Variants in ALPK2 observed in about 807,000 individuals in gnomAD.
ALPK2 encodes alpha kinase 2, also known as alpha-protein kinase 2.
A neutral mutation model predicts 163.1 loss-of-function variants in ALPK2; 127 were observed. The observed-to-expected ratio is 0.78, with a 90% CI of 0.67 to 0.90. The LOEUF (loss-of-function observed/expected upper bound fraction) is 0.90. Among genes scored for constraint, ALPK2 ranks in the 40% least tolerant of loss-of-function variants. ALPK2 has a pLI of 0.00. For missense variants in ALPK2, 2,360 were observed against 2,589.6 expected (o/e 0.91, Z 1.92); for synonymous variants, 953 against 959.1 (o/e 0.99, Z 0.12).
At chr18:58,582,939 G>A (rs1166089984) in intron 3 of ALPK2, among the ~76,000 whole-genome samples, 2 of 152,150 alleles carry the variant, frequency 1.3e-5, no homozygotes, top group Non-Finnish European at 2.9e-5. Context: ...TGGAAGCCAA[G>A]GTTCTTGTAT....
intron 10 of ALPK2, among the ~76,000 whole-genome samples, chr18:58,512,892 T>C (rs2051499527): frequency 7.8e-6 from 1 of 128,486 alleles, no homozygotes; most frequent in Non-Finnish European, 1.7e-5. Context: ...TGGGGGTGTG[T>C]AATGCGTATG....
At position 58,538,449 on chromosome 18, in the gene ALPK2, A is replaced by G. The variant is rs769910281; in HGVS notation, c.1963-225T>C. 3.6e-4 allele frequency: 173 copies of G among 486,924 alleles called. 1 individual carries two copies. Among genetic ancestry groups the G allele is most frequent in the Middle Eastern group, 1.6e-3 (3 of 1,892 alleles). The allele number at this position is 486,924 out of a possible 1,614,324, so 30.2% of individuals were successfully genotyped here. On this transcript the variant is annotated intron_variant, in intron 4 of 12. Coordinates refer to ENST00000361673, the MANE Select transcript of ALPK2 (RefSeq NM_052947.4). ...CAGGGGGCCCTTTGTCAAATTCATC[A>G]TTATAAGCAAAAAGCCTCCTGACAA...
At chr18:58,485,387 C>T (rs781398424) in intron 12 of ALPK2, among the ~76,000 whole-genome samples, 22 of 152,038 alleles carry the variant, frequency 1.4e-4, no homozygotes, top group African/African-American at 5.1e-4. Context: ...CTCTTAAGGG[C>T]GTGAAAGGTT....
chr18:58,494,606 A>C (rs1018084441), intron 12 of ALPK2, among the ~76,000 whole-genome samples: 1 of 151,998 alleles, frequency 6.6e-6, no homozygotes, highest in Non-Finnish European at 1.5e-5. Flanking sequence ...ACTGCTTCTT[A>C]TGGTGGTGCT....
At chr18:58,512,917 GTGA>G (rs1457548085) in intron 10 of ALPK2, among the ~76,000 whole-genome samples, 2 of 94,386 alleles carry the variant, frequency 2.1e-5, no homozygotes, top group Non-Finnish European at 5.4e-5. Flanking sequence ...TGGTGTATGT[GTGA>G]TGTGTGGGGT....
At chr18:58,607,563 T>G (rs1366107580) in intron 2 of ALPK2, 124 bp from the exon 3 acceptor site, 1 of 606,234 alleles carries the variant, frequency 1.6e-6, no homozygotes, top group African/African-American at 1.9e-5. Context: ...TGGATTACGT[T>G]AGGTGAGGAA....
At chr18:58,605,830 T>C (rs544326513) in intron 3 of ALPK2, among the ~76,000 whole-genome samples, 1 of 152,366 alleles carries the variant, frequency 6.6e-6, no homozygotes, top group Admixed American at 6.5e-5. Flanking sequence ...AGAATGGCTT[T>C]CTTTGTTCAC....
In ALPK2 at chr18:58,602,782, C is replaced by T. The variant is rs117820891; in HGVS notation, c.227+4540G>A. ...GGAGGTCGGCATAAGATACAGGTCACGAAGACCCTGCTGATAGATCAGGAT... is the reference window on the plus strand; with the variant it reads ...GGAGGTCGGCATAAGATACAGGTCATGAAGACCCTGCTGATAGATCAGGAT... On this transcript the variant is annotated intron_variant, in intron 3 of 12. Coordinates refer to ENST00000361673, the MANE Select transcript of ALPK2 (RefSeq NM_052947.4). Among the ~76,000 whole-genome samples the T allele has an allele frequency of 3.9e-4, 59 of 152,230 alleles. 1 individual carries two copies. The East Asian group carries it at 9.7e-3, about 25-fold the overall frequency.
intron 2 of ALPK2, among the ~76,000 whole-genome samples, chr18:58,610,136 T>C (rs2052120369): frequency 6.6e-6 from 1 of 151,992 alleles, no homozygotes; most frequent in Non-Finnish European, 1.5e-5. Flanking sequence ...GAGCTGGGCA[T>C]GGTGGTGTGC....
chr18:58,539,329 G>C (rs906295621), intron 4 of ALPK2, among the ~76,000 whole-genome samples: 2 of 152,090 alleles, frequency 1.3e-5, no homozygotes, highest in Non-Finnish European at 2.9e-5. Flanking sequence ...AGGTTTTTGA[G>C]AAAAGGGGAG....
intron 4 of ALPK2, chr18:58,544,228 A>G (rs2051705987): frequency 6.6e-6 from 1 of 152,212 alleles, no homozygotes; most frequent in Non-Finnish European, 1.5e-5. Flanking sequence ...TAACGCTTGA[A>G]TAGCATTTTT....
At position 58,537,551 on chromosome 18, in the gene ALPK2, C is replaced by G; in HGVS notation, c.2636G>C (p.Ser879Thr). 1 of 1,614,010 alleles carries G rather than the reference C, an allele frequency of 6.2e-7. No individual in the cohort carries two copies. The highest frequency in any genetic ancestry group is 8.5e-7 in the Non-Finnish European group (1 of 1,179,886). The stretch of plus-strand genomic sequence containing the variant: ...GGACATGACTGAGTTGCCGTCCTTG[C>G]TGCTTTTGCACGTAGACACTGAAGT... ...SETSVSTCKS[S>T]KDGNSVMSPL... The change falls in exon 5 of 13, where the codon AGC (serine) becomes ACC (threonine). Residue 879 changes from serine (S) to threonine (T), a missense_variant. Physicochemically the swap from Ser to Thr is moderately conservative, Grantham distance 58. Transcript: ENST00000361673.
chr18:58,485,810 C>T (rs2051336025), intron 12 of ALPK2, among the ~76,000 whole-genome samples: 1 of 152,194 alleles, frequency 6.6e-6, no homozygotes, highest in Non-Finnish European at 1.5e-5. Flanking sequence ...GGTTGCTTCA[C>T]ACCAACTCCT....
In ALPK2 at chr18:58,628,768, C is replaced by T. The variant is rs1320275111; in HGVS notation, c.-25G>A. 1 of 152,168 alleles carries T rather than the reference C, an allele frequency of 6.6e-6. No homozygotes were observed. The highest frequency in any genetic ancestry group is 1.5e-5 in the Non-Finnish European group (1 of 68,034). 9.4% of individuals were successfully genotyped at this position (152,168 alleles called of 1,614,324 possible). ...AACCAAAGTCTACATACTTACTTTT[C>T]AGTACTCTTTGTCCAAGAAATGTTG... On this transcript the variant is annotated 5_prime_UTR_variant, in exon 1 of 13. The change abolishes the stop of an existing upstream ORF in the 5' untranslated region. Coordinates refer to ENST00000361673, the MANE Select transcript of ALPK2 (RefSeq NM_052947.4).
At chr18:58,593,710 T>A (rs1278650354) in intron 3 of ALPK2, among the ~76,000 whole-genome samples, 1 of 151,020 alleles carries the variant, frequency 6.6e-6, no homozygotes, top group African/African-American at 2.4e-5. Flanking sequence ...AAACCTCATC[T>A]CTACTAAAAA....
At chr18:58,603,236 A>G (rs1258945160) in intron 3 of ALPK2, among the ~76,000 whole-genome samples, 2 of 152,226 alleles carry the variant, frequency 1.3e-5, no homozygotes, top group Admixed American at 6.5e-5. Context: ...ACCTAATCCA[A>G]TATGAACTCC....
intron 4 of ALPK2, among the ~76,000 whole-genome samples, chr18:58,539,700 A>G (rs915646309): frequency 2.6e-5 from 4 of 152,322 alleles, no homozygotes; most frequent in East Asian, 1.9e-4. Context: ...AGCGTATGAC[A>G]AAACAGAGCT....
intron 3 of ALPK2, among the ~76,000 whole-genome samples, chr18:58,595,258 G>T (rs746098142): frequency 2.0e-5 from 3 of 152,076 alleles, no homozygotes; most frequent in Admixed American, 1.3e-4. Flanking sequence ...CCATTACATA[G>T]TTCCTGGTGT....
intron 5 of ALPK2, 52 bp downstream of exon 5, chr18:58,534,782 C>G: frequency 6.5e-7 from 1 of 1,541,788 alleles, no homozygotes; most frequent in East Asian, 2.2e-5. Context: ...GAACTGGATA[C>G]CTGGTCTACA....
Sources: allele counts gnomAD v4.1 joint callset (sites outside exome capture counted in the v4.1 genomes callset), GRCh38; gene constraint gnomAD v4.1.1; transcripts MANE v1.5; gene names NCBI Gene and HGNC (gene_info 2026-07-23, HGNC 2026-07-21).